The following TTC6 variants were observed in gnomAD, a reference collection of about 807,000 sequenced individuals.
TTC6 encodes the protein tetratricopeptide repeat protein 6.
TTC6 carries 172 observed loss-of-function variants against 210.4 expected under a neutral mutation model. That is an observed-to-expected ratio of 0.82 (90% CI 0.72 to 0.93). The LOEUF (loss-of-function observed/expected upper bound fraction) is 0.93, where lower values mean the gene tolerates loss of function less well. Among genes scored for constraint, TTC6 ranks in the 40% least tolerant of loss-of-function variants. The probability of loss-of-function intolerance (pLI) is 0.00; values close to 1 mark genes in which losing one functional copy is unlikely to be tolerated. For synonymous variants in TTC6, 804 were observed against 819.6 expected, an observed-to-expected ratio of 0.98 and a Z score of 0.32; for missense variants, 2,414 against 2,318.1, an observed-to-expected ratio of 1.04 and a Z score of -0.85.
intron 25 of TTC6, among the ~76,000 whole-genome samples, chr14:37,813,667 CAG>C (rs1161900393): frequency 6.6e-6 from 1 of 152,122 alleles, no homozygotes; most frequent in Non-Finnish European, 1.5e-5. Context: ...GATCTGAACT[CAG>C]AACTCACTCG....
chr14:37,737,500 CTATA>C (rs2095905008), intron 8 of TTC6, among the ~76,000 whole-genome samples, 156 bp from the exon 11 acceptor site: 1 of 152,086 alleles, frequency 6.6e-6, no homozygotes, highest in African/African-American at 2.4e-5. Flanking sequence ...TTCTCTTCCT[CTATA>C]TAAAGTCAGT....
intron 1 of TTC6, among the ~76,000 whole-genome samples, chr14:37,630,907 G>GTTTTTTTTTTTTTTTTTT (rs746429138): frequency 3.0e-5 from 1 of 33,070 alleles, no homozygotes; most frequent in Non-Finnish European, 5.1e-5. Flanking sequence ...GGCAACCCCT[G>GTTTTTTTTTTTTTTTTTT]TTTTTTTTTT....
exon 4 of TTC6, chr14:37,696,732 T>G: frequency 6.8e-7 from 1 of 1,460,498 alleles, no homozygotes; most frequent in African/African-American, 1.4e-5. Context: ...ATCACCAGAA[T>G]TCTTGCAAAT....
chr14:37,736,013 A>G lies in TTC6; in HGVS notation c.1908+3A>G, dbSNP rs547048981. 7 of 1,499,112 alleles carry G rather than the reference A, an allele frequency of 4.7e-6. No homozygotes were observed. The highest frequency in any genetic ancestry group is 1.7e-4 in the Middle Eastern group (1 of 5,906). The allele number at this position is 1,499,112 out of a possible 1,614,324, so 92.9% of individuals were successfully genotyped here. A position where few individuals can be genotyped will look rare whatever the true frequency, so the allele number is the denominator to read the frequency against. ...AACATAGCAGAACAAATTTTTGGGT[A>G]TGTACAATTTTTGTTCTTAATTAGG... On this transcript the variant is annotated splice_donor_region_variant and intron_variant, in intron 8 of 30. Transcript: ENST00000553443.
intron 14 of TTC6, among the ~76,000 whole-genome samples, chr14:37,767,833 T>G (rs964619843): frequency 1.3e-5 from 2 of 149,548 alleles, no homozygotes; most frequent in African/African-American, 4.9e-5. Context: ...TTTTGACTTT[T>G]GTTGCCATTG....
In TTC6 at chr14:37,625,594, T is replaced by C. The variant is rs199676169; in HGVS notation, c.939+2591T>C. The stretch of plus-strand genomic sequence containing the variant: ...TAAGTATGCAAGTATAAAAGTCGTG[T>C]CCAAATTATGATTTTAAAAATTCTT... On this transcript the variant is annotated intron_variant, in intron 1 of 30. Transcript: ENST00000553443. 4.6e-5 allele frequency among the ~76,000 whole-genome samples: 7 copies of C among 151,952 alleles called. No individual in the cohort carries two copies. In the East Asian group the frequency reaches 1.4e-3, roughly 29 times the overall value.
chr14:37,809,150 ATTAAG>A (rs2096124440), intron 24 of TTC6, among the ~76,000 whole-genome samples: 1 of 152,166 alleles, frequency 6.6e-6, no homozygotes, highest in South Asian at 2.1e-4. Context: ...CAAATGAAAA[ATTAAG>A]TTGATAATGC....
chr14:37,637,704 G>A (rs1046047762), intron 1 of TTC6, among the ~76,000 whole-genome samples: 1 of 152,118 alleles, frequency 6.6e-6, no homozygotes, highest in African/African-American at 2.4e-5. Context: ...ATATACAAAT[G>A]CCAAATAAGC....
exon 1 of TTC6, chr14:37,622,345 T>C (rs1465632978): frequency 6.5e-7 from 1 of 1,531,848 alleles, no homozygotes; most frequent in South Asian, 1.2e-5. Context: ...CAGGAGGTGC[T>C]CGGAGGCGCG....
intron 2 of TTC6, among the ~76,000 whole-genome samples, chr14:37,609,637 A>G (rs2095630996): frequency 6.6e-6 from 1 of 152,180 alleles, no homozygotes; most frequent in African/African-American, 2.4e-5. Context: ...GTATTAATGA[A>G]CACTATTTAT....
At chr14:37,804,435 C>A (rs916018847) in intron 20 of TTC6, among the ~76,000 whole-genome samples, 4 of 152,246 alleles carry the variant, frequency 2.6e-5, no homozygotes, top group Middle Eastern at 3.4e-3. Context: ...GTCCATAAGC[C>A]TGCTTAAGTA....
intron 27 of TTC6, 129 bp from the exon 30 acceptor site, chr14:37,826,066 G>A: frequency 1.0e-6 from 1 of 972,576 alleles, no homozygotes. Context: ...TTTCTGGTTT[G>A]AAAGAACTTA....
intron 2 of TTC6, among the ~76,000 whole-genome samples, chr14:37,609,034 T>A (rs544703815): frequency 6.6e-6 from 1 of 152,318 alleles, no homozygotes; most frequent in East Asian, 1.9e-4. Flanking sequence ...ATGAAGGCAT[T>A]ATAATATCAA....
intron 5 of TTC6, among the ~76,000 whole-genome samples, chr14:37,707,488 G>C (rs17106972): frequency 0.072 from 10,943 of 151,676 alleles, 473 homozygotes; most frequent in African/African-American, 0.12. Flanking sequence ...CATTTTCTGT[G>C]GTATAAATTT....
chr14:37,654,078 T>C (rs975244245), intron 1 of TTC6, among the ~76,000 whole-genome samples: 2 of 152,154 alleles, frequency 1.3e-5, no homozygotes, highest in Non-Finnish European at 2.9e-5. Context: ...ATGCTTAATA[T>C]AGTTTGTATG....
At chr14:37,661,715 A>G (rs979967533) in intron 1 of TTC6, among the ~76,000 whole-genome samples, 1 of 152,142 alleles carries the variant, frequency 6.6e-6, no homozygotes, top group Non-Finnish European at 1.5e-5. Context: ...AAGAATTTCA[A>G]TGGTAGTTTA....
intron 21 of TTC6, 144 bp from the exon 24 acceptor site, chr14:37,806,217 G>A: frequency 1.3e-6 from 1 of 795,638 alleles, no homozygotes; most frequent in Non-Finnish European, 1.9e-6. Flanking sequence ...TGTTCCATGA[G>A]GTCCATTAGG....
At chr14:37,689,516 C>CATTTAATAATTA (rs1450814122) in intron 3 of TTC6, among the ~76,000 whole-genome samples, 1 of 151,860 alleles carries the variant, frequency 6.6e-6, no homozygotes, top group Non-Finnish European at 1.5e-5. Flanking sequence ...TACTTCAAGA[C>CATTTAATAATTA]ATTTAATAAT....
At chr14:37,761,349 TAAG>T (rs2095984013) in intron 14 of TTC6, among the ~76,000 whole-genome samples, 1 of 151,870 alleles carries the variant, frequency 6.6e-6, no homozygotes, top group Admixed American at 6.6e-5. Flanking sequence ...CCAGTCCCGA[TAAG>T]ATGAACTGGT....
Sources: allele counts gnomAD v4.1 joint callset (sites outside exome capture counted in the v4.1 genomes callset), GRCh38; gene constraint gnomAD v4.1.1; transcripts MANE v1.5; gene names NCBI Gene and HGNC (gene_info 2026-07-23, HGNC 2026-07-21).